Variants in TTC17 observed in about 807,000 individuals in gnomAD.
TTC17 encodes the protein tetratricopeptide repeat domain 17, also known as tetratricopeptide repeat protein 17.
In TTC17, 58 loss-of-function variants were observed where a neutral mutation model predicts 143.8. The ratio of observed to expected loss-of-function variants is 0.40; its 90% confidence interval spans 0.33 to 0.50. The LOEUF (loss-of-function observed/expected upper bound fraction) is 0.50. Ranked by LOEUF, TTC17 falls within the 20% of genes least tolerant of loss-of-function variation. The pLI is 0.49. For synonymous variants in TTC17, 501 were observed against 497.8 expected (o/e 1.01, Z -0.09); for missense variants, 1,273 against 1,392.5 (o/e 0.91, Z 1.37).
chr11:43,405,988 T>C, intron 13 of TTC17, 37 bp downstream of exon 13: 1 of 1,594,284 alleles, frequency 6.3e-7, no homozygotes, highest in Non-Finnish European at 8.5e-7. Flanking sequence ...TTGCCGTCCA[T>C]TCTGGGTGAC....
intron 2 of TTC17, among the ~76,000 whole-genome samples, chr11:43,382,924 G>A (rs1857027586): frequency 6.6e-6 from 1 of 151,186 alleles, no homozygotes; most frequent in Non-Finnish European, 1.5e-5. Flanking sequence ...TTTTGAGACA[G>A]GGTCTTGCTC....
At chr11:43,455,058 G>A (rs1019403689) in intron 21 of TTC17, among the ~76,000 whole-genome samples, 2 of 151,280 alleles carry the variant, frequency 1.3e-5, no homozygotes, top group Admixed American at 1.3e-4. Flanking sequence ...AATAAAAGTA[G>A]CATTTTCTGG....
intron 16 of TTC17, among the ~76,000 whole-genome samples, chr11:43,426,723 A>T (rs1433783893): frequency 6.6e-6 from 1 of 152,170 alleles, no homozygotes; most frequent in Non-Finnish European, 1.5e-5. Context: ...TCAATTATGG[A>T]ATAACTAGGA....
intron 16 of TTC17, among the ~76,000 whole-genome samples, chr11:43,426,791 A>C (rs1947038709): frequency 6.6e-6 from 1 of 152,198 alleles, no homozygotes; most frequent in Admixed American, 6.5e-5. Context: ...GAGGAGAAAA[A>C]AAGACAAAAT....
intron 21 of TTC17, among the ~76,000 whole-genome samples, chr11:43,483,814 G>A: frequency 6.6e-6 from 1 of 152,160 alleles, no homozygotes; most frequent in East Asian, 1.9e-4. Context: ...TTTCAACCTT[G>A]TACTGAAACT....
Position 43,490,380 on chromosome 11 carries a change from G to A in TTC17, c.3150+22G>A, listed in dbSNP as rs373230974. On this transcript the variant is annotated intron_variant, in intron 22 of 23. Coordinates refer to ENST00000039989, the MANE Select transcript of TTC17 (RefSeq NM_018259.6). ...GAAGGTGAGTGGGACTCAGAAGGTG[G>A]GAACTTCTGCCCCTTTGTCCTTTCC... 1.9e-6 allele frequency: 3 copies of A among 1,584,124 alleles called. No homozygotes were observed. In the African/African-American group the frequency reaches 4.0e-5, roughly 21 times the overall value.
chr11:43,448,827 A>G (rs1947601704), intron 19 of TTC17: 1 of 152,286 alleles, frequency 6.6e-6, no homozygotes, highest in Non-Finnish European at 1.5e-5. Flanking sequence ...CCATATTAAA[A>G]AATTATTGTT....
chr11:43,376,609 T>TA (rs1349665497), intron 1 of TTC17, among the ~76,000 whole-genome samples: 1 of 152,190 alleles, frequency 6.6e-6, no homozygotes, highest in African/African-American at 2.4e-5. Flanking sequence ...CTTCTGGACT[T>TA]ACAGCAGCCT....
chr11:43,429,257 C>CA (rs950685986), intron 16 of TTC17, among the ~76,000 whole-genome samples: 15 of 152,198 alleles, frequency 9.9e-5, no homozygotes, highest in African/African-American at 3.4e-4. Flanking sequence ...AAATCCTAGA[C>CA]ACAGAAATGT....
At chr11:43,475,082 G>A (rs1053947081) in intron 21 of TTC17, among the ~76,000 whole-genome samples, 1 of 152,148 alleles carries the variant, frequency 6.6e-6, no homozygotes, top group African/African-American at 2.4e-5. Flanking sequence ...AAATCCGTGT[G>A]TAAGTGAACC....
At chr11:43,480,398 T>C (rs1187635909) in intron 21 of TTC17, among the ~76,000 whole-genome samples, 2 of 152,142 alleles carry the variant, frequency 1.3e-5, no homozygotes, top group African/African-American at 2.4e-5. Flanking sequence ...TGTGAAAGGA[T>C]ACCAGACCCC....
intron 16 of TTC17, among the ~76,000 whole-genome samples, chr11:43,426,678 A>G (rs1196960103): frequency 6.6e-6 from 1 of 152,196 alleles, no homozygotes; most frequent in African/African-American, 2.4e-5. Context: ...CCTTCTATCT[A>G]GGACCTATGA....
intron 1 of TTC17, among the ~76,000 whole-genome samples, chr11:43,376,475 G>C (rs1445049805): frequency 2.0e-5 from 3 of 151,982 alleles, no homozygotes; most frequent in African/African-American, 7.3e-5. Context: ...TTATTGTTCT[G>C]TGCAGCAATG....
At chr11:43,432,822 C>T (rs546172628) in intron 16 of TTC17, among the ~76,000 whole-genome samples, 5 of 152,262 alleles carry the variant, frequency 3.3e-5, no homozygotes, top group East Asian at 1.9e-4. Context: ...CAGACCTATA[C>T]GGTAGTCTAA....
rs1199948220 is a variant in TTC17 at position 43,462,596 on chromosome 11, A to G, written c.3030+11331A>G. Among the ~76,000 whole-genome samples, 18 of 152,232 alleles carry G rather than the reference A, an allele frequency of 1.2e-4. 1 individual carries two copies. The highest frequency in any genetic ancestry group is 2.9e-5 in the Non-Finnish European group (2 of 68,048). ...TATTGATTTTGGACCTCCTGCCTTA[A>G]GAGCTGTGAAGGAATAGATTTTTAT... is the stretch of plus-strand genomic sequence containing the variant. On this transcript the variant is annotated intron_variant, in intron 21 of 23. Transcript: ENST00000039989.
rs113577828 is a variant in TTC17 at position 43,373,351 on chromosome 11, T to C, written c.160-5882T>C. 1.9e-3 allele frequency among the ~76,000 whole-genome samples: 279 copies of C among 144,730 alleles called. 1 individual carries two copies. Among genetic ancestry groups the C allele is most frequent in the African/African-American group, 7.0e-3 (269 of 38,650 alleles). 94.9% of individuals were successfully genotyped at this position (144,730 alleles called of 152,430 possible). A position where few individuals can be genotyped will look rare whatever the true frequency, so the allele number is the denominator to read the frequency against. Reference sequence around the variant, plus strand: ...TTTTTTTTTTTTTTTTGAGACAGAGTCTCGATCTGTCACCCAGGCTGGAGT... The same window carrying C: ...TTTTTTTTTTTTTTTTGAGACAGAGCCTCGATCTGTCACCCAGGCTGGAGT... On this transcript the variant is annotated intron_variant, in intron 1 of 23. Transcript: ENST00000039989.
At chr11:43,373,774 T>C (rs1208518561) in intron 1 of TTC17, among the ~76,000 whole-genome samples, 4 of 152,218 alleles carry the variant, frequency 2.6e-5, no homozygotes, top group South Asian at 4.1e-4. Flanking sequence ...ATGTGATACT[T>C]TTACGGTAAC....
At chr11:43,440,650 C>T (rs1190385636) in intron 16 of TTC17, among the ~76,000 whole-genome samples, 2 of 152,002 alleles carry the variant, frequency 1.3e-5, no homozygotes, top group Non-Finnish European at 2.9e-5. Context: ...CTTCTCTTTC[C>T]TTGTCCAACA....
chr11:43,423,216 A>G (rs948473786), intron 16 of TTC17, among the ~76,000 whole-genome samples: 31 of 152,218 alleles, frequency 2.0e-4, no homozygotes, highest in Admixed American at 6.5e-5. Context: ...GGAAAGGCTG[A>G]AAACAGTTGT....
Sources: allele counts gnomAD v4.1 joint callset (sites outside exome capture counted in the v4.1 genomes callset), GRCh38; gene constraint gnomAD v4.1.1; transcripts MANE v1.5; gene names NCBI Gene and HGNC (gene_info 2026-07-23, HGNC 2026-07-21).